Variants in TSPAN18 observed in about 807,000 individuals in gnomAD.
TSPAN18 encodes tetraspanin-18.
Under a neutral mutation model 27.3 loss-of-function variants are expected in TSPAN18, and 14 were observed. The ratio of observed to expected loss-of-function variants is 0.51; its 90% CI spans 0.34 to 0.80. The LOEUF is 0.80. TSPAN18 is among the 30% of genes least tolerant of loss of function. The pLI is 0.01. For synonymous variants in TSPAN18, 143 were observed against 136.5 expected (o/e 1.05, Z -0.33); for missense variants, 268 against 323.9 (o/e 0.83, Z 1.32).
At chr11:44,920,540 C>T (rs1860089810) in intron 8 of TSPAN18, among the ~76,000 whole-genome samples, 1 of 152,158 alleles carries the variant, frequency 6.6e-6, no homozygotes, top group Admixed American at 6.5e-5. Flanking sequence ...CTGCACGTGC[C>T]ATTTCTAGGG....
chr11:44,787,438 G>A (rs1856085011), intron 2 of TSPAN18, among the ~76,000 whole-genome samples: 1 of 152,172 alleles, frequency 6.6e-6, no homozygotes, highest in African/African-American at 2.4e-5. Context: ...GTGCAGAGCT[G>A]GAAAAATTCC....
At chr11:44,892,828 G>T (rs922573076) in intron 3 of TSPAN18, among the ~76,000 whole-genome samples, 1 of 152,204 alleles carries the variant, frequency 6.6e-6, no homozygotes, top group East Asian at 1.9e-4. Context: ...CTAGTGAGCC[G>T]CAGTTTCCTC....
intron 1 of TSPAN18, among the ~76,000 whole-genome samples, chr11:44,743,736 G>A (rs967128573): frequency 3.3e-5 from 5 of 152,200 alleles, no homozygotes; most frequent in African/African-American, 1.2e-4. Flanking sequence ...CTGTGTTGCT[G>A]GAGTCCTGCC....
intron 5 of TSPAN18, among the ~76,000 whole-genome samples, chr11:44,911,457 G>T (rs1434654662): frequency 1.3e-5 from 2 of 152,136 alleles, no homozygotes; most frequent in Admixed American, 6.5e-5. Context: ...CTTCAACAGC[G>T]CAAACACTGC....
At chr11:44,888,141 C>T (rs1348936016) in intron 3 of TSPAN18, among the ~76,000 whole-genome samples, 5 of 152,108 alleles carry the variant, frequency 3.3e-5, no homozygotes, top group Non-Finnish European at 7.4e-5. Flanking sequence ...ACCCAGGACT[C>T]GGGGCTGCCA....
chr11:44,778,392 C>A (rs566393870), intron 2 of TSPAN18, among the ~76,000 whole-genome samples: 1 of 152,238 alleles, frequency 6.6e-6, no homozygotes, highest in South Asian at 2.1e-4. Context: ...GCAGACATCA[C>A]CAATCAATTG....
chr11:44,821,071 G>A (rs1056190461), intron 2 of TSPAN18, among the ~76,000 whole-genome samples: 1 of 152,220 alleles, frequency 6.6e-6, no homozygotes, highest in Non-Finnish European at 1.5e-5. Flanking sequence ...GTTGGTGCTT[G>A]TGATACACCA....
intron 2 of TSPAN18, among the ~76,000 whole-genome samples, chr11:44,771,222 T>C (rs913003123): frequency 6.6e-6 from 1 of 152,168 alleles, no homozygotes; most frequent in Non-Finnish European, 1.5e-5. Flanking sequence ...GCGGATATGC[T>C]GAACAGAAGT....
intron 5 of TSPAN18, among the ~76,000 whole-genome samples, chr11:44,914,204 A>C (rs11038208): frequency 0.072 from 10,942 of 152,306 alleles, 481 homozygotes; most frequent in South Asian, 0.11. Flanking sequence ...AATACCTAGC[A>C]CAGTGCCTGG....
At chr11:44,745,815 CAGG>C (rs1855060010) in intron 1 of TSPAN18, among the ~76,000 whole-genome samples, 1 of 152,178 alleles carries the variant, frequency 6.6e-6, no homozygotes, top group South Asian at 2.1e-4. Context: ...ATCACGAGGT[CAGG>C]AGATCGAGAC....
intron 3 of TSPAN18, among the ~76,000 whole-genome samples, 155 bp downstream of exon 3, chr11:44,860,624 T>C (rs574542608): frequency 6.6e-6 from 1 of 152,188 alleles, no homozygotes; most frequent in African/African-American, 2.4e-5. Flanking sequence ...GTGGGCAGGA[T>C]AGTAAGGGGT....
At chr11:44,821,370 T>C (rs1470960772) in intron 2 of TSPAN18, among the ~76,000 whole-genome samples, 7 of 152,208 alleles carry the variant, frequency 4.6e-5, no homozygotes, top group Admixed American at 4.6e-4. Context: ...TGGGTCTCAC[T>C]GGAGATTATT....
chr11:44,848,253 C>T (rs1857525066), intron 2 of TSPAN18, among the ~76,000 whole-genome samples: 2 of 152,176 alleles, frequency 1.3e-5, no homozygotes, highest in African/African-American at 4.8e-5. Context: ...ATCCATTTGG[C>T]TCTTCGAGGC....
intron 2 of TSPAN18, among the ~76,000 whole-genome samples, chr11:44,849,249 T>C (rs951175743): frequency 6.6e-6 from 1 of 152,152 alleles, no homozygotes; most frequent in South Asian, 2.1e-4. Context: ...TGTGTCTGTC[T>C]CCTTTGTGAG....
chr11:44,908,657 C>T (rs1859545966), intron 4 of TSPAN18, among the ~76,000 whole-genome samples: 1 of 150,920 alleles, frequency 6.6e-6, no homozygotes. Flanking sequence ...TGACTTGGGC[C>T]CAGGAGGTCA....
intron 2 of TSPAN18, among the ~76,000 whole-genome samples, chr11:44,822,782 C>T (rs565411575): frequency 3.9e-5 from 6 of 152,160 alleles, no homozygotes; most frequent in African/African-American, 1.4e-4. Context: ...AGACCAGGAC[C>T]CTGCTTCTGA....
At chr11:44,903,798 G>T in intron 3 of TSPAN18, 1 of 413,000 alleles carries the variant, frequency 2.4e-6, no homozygotes, top group East Asian at 7.1e-5. Flanking sequence ...GTCCTTCCAA[G>T]CTGGATTGCC....
chr11:44,860,617 G>A (rs1857853815), intron 3 of TSPAN18, 148 bp downstream of exon 3: 1 of 152,272 alleles, frequency 6.6e-6, no homozygotes, highest in African/African-American at 2.4e-5. Context: ...AAGGTCCGTG[G>A]GCAGGATAGT....
At chr11:44,824,214 G>C (rs1327275869) in intron 2 of TSPAN18, among the ~76,000 whole-genome samples, 1 of 152,164 alleles carries the variant, frequency 6.6e-6, no homozygotes, top group Non-Finnish European at 1.5e-5. Flanking sequence ...GGGAAGGATG[G>C]ATTGGCACCC....
Sources: gnomAD v4.1 joint callset for allele counts (sites outside exome capture counted in the v4.1 genomes callset) on GRCh38, gnomAD v4.1.1 for gene constraint, MANE v1.5 for transcripts, NCBI Gene and HGNC (gene_info 2026-07-23, HGNC 2026-07-21) for gene names.